Variants in USP14 observed in about 807,000 individuals in gnomAD.
USP14 encodes the protein ubiquitin specific peptidase 14, also known as ubiquitin carboxyl-terminal hydrolase 14.
USP14 carries 38 observed loss-of-function variants against 76.5 expected under a neutral mutation model. The ratio of observed to expected loss-of-function variants is 0.50; its 90% CI spans 0.38 to 0.65. The LOEUF (loss-of-function observed/expected upper bound fraction) is 0.65, where lower values mean the gene tolerates loss of function less well. USP14 is among the 30% of genes least tolerant of loss of function. The pLI, the probability that USP14 is intolerant of heterozygous loss-of-function variation, is 0.00. For missense variants in USP14, 467 were observed against 586.5 expected, an observed-to-expected ratio of 0.80 and a Z score of 2.10; for synonymous variants, 192 against 191.7, an observed-to-expected ratio of 1.00 and a Z score of -0.01.
intron 10 of USP14, among the ~76,000 whole-genome samples, chr18:201,536 G>A (rs746426411): frequency 2.6e-5 from 4 of 152,200 alleles, no homozygotes; most frequent in Non-Finnish European, 5.9e-5. Flanking sequence ...ACCGAGGGGA[G>A]AGTTTTGAGC....
At chr18:184,411 A>T (rs550720210) in intron 5 of USP14, among the ~76,000 whole-genome samples, 13 of 152,330 alleles carry the variant, frequency 8.5e-5, no homozygotes, top group African/African-American at 2.9e-4. Context: ...GAGGAAGACC[A>T]TCCTCACAAA....
chr18:197,522 C>T (rs1315521714), intron 7 of USP14, 94 bp from the exon 8 acceptor site: 8 of 945,284 alleles, frequency 8.5e-6, no homozygotes, highest in African/African-American at 1.7e-5. Flanking sequence ...AGAAGGAAAC[C>T]ACTTTCTTGC....
chr18:172,996 G>A (rs928987385), intron 3 of USP14, among the ~76,000 whole-genome samples: 1 of 151,552 alleles, frequency 6.6e-6, no homozygotes. Flanking sequence ...TTAGTGATTT[G>A]TACTATGTTG....
chr18:204,902 T>G (rs1311267235), intron 13 of USP14, among the ~76,000 whole-genome samples: 1 of 151,472 alleles, frequency 6.6e-6, no homozygotes, highest in African/African-American at 2.4e-5. Context: ...TGTTTTATTT[T>G]CCTTTTTTTT....
intron 13 of USP14, among the ~76,000 whole-genome samples, chr18:205,020 G>A (rs1158770988): frequency 6.6e-6 from 1 of 151,648 alleles, no homozygotes; most frequent in East Asian, 1.9e-4. Context: ...GACCACAGGC[G>A]TGCGCCACCA....
At chr18:198,727 GAATT>G (rs1313817852) in intron 9 of USP14, among the ~76,000 whole-genome samples, 1 of 151,722 alleles carries the variant, frequency 6.6e-6, no homozygotes, top group African/African-American at 2.4e-5. Flanking sequence ...ACCTTATAAA[GAATT>G]AATTTCTTAT....
intron 3 of USP14, among the ~76,000 whole-genome samples, 158 bp downstream of exon 3, chr18:166,977 C>T (rs924609905): frequency 2.6e-5 from 4 of 151,722 alleles, no homozygotes; most frequent in South Asian, 2.1e-4. Context: ...TGGGCTCTTT[C>T]TTGAAAAGTA....
intron 13 of USP14, among the ~76,000 whole-genome samples, 173 bp from the exon 14 acceptor site, chr18:209,798 G>T (rs1373340511): frequency 6.6e-6 from 1 of 152,160 alleles, no homozygotes; most frequent in Admixed American, 6.5e-5. Context: ...GTGTAGGACT[G>T]CTGGGTTTAC....
intron 13 of USP14, among the ~76,000 whole-genome samples, chr18:207,573 G>A (rs115627554): frequency 0.033 from 4,821 of 144,212 alleles, 595 homozygotes; most frequent in African/African-American, 0.11. Flanking sequence ...CAGCTGTTCA[G>A]AAGGCTAAGG....
At chr18:191,120 CTATATTAG>C (rs2143046974) in intron 5 of USP14, among the ~76,000 whole-genome samples, 1 of 152,120 alleles carries the variant, frequency 6.6e-6, no homozygotes, top group Admixed American at 6.6e-5. Context: ...GGTATGTCTG[CTATATTAG>C]TACTTAATTT....
chr18:177,978 A>G (rs1013877108), intron 3 of USP14, among the ~76,000 whole-genome samples: 3 of 152,024 alleles, frequency 2.0e-5, no homozygotes, highest in African/African-American at 7.2e-5. Context: ...GTTACACAAT[A>G]GACATTCACA....
At chr18:189,105 G>GTT (rs1009675144) in intron 5 of USP14, among the ~76,000 whole-genome samples, 1 of 147,660 alleles carries the variant, frequency 6.8e-6, no homozygotes, top group African/African-American at 2.5e-5. Flanking sequence ...GACCTGTATG[G>GTT]TTTTTTTTTT....
chr18:167,659 C>A (rs1011942825), intron 3 of USP14, among the ~76,000 whole-genome samples: 3 of 151,918 alleles, frequency 2.0e-5, no homozygotes, highest in Non-Finnish European at 2.9e-5. Context: ...GCGGGTGTTA[C>A]CATGCCCAGT....
At chr18:184,167 G>A (rs1015757329) in intron 5 of USP14, among the ~76,000 whole-genome samples, 4 of 151,630 alleles carry the variant, frequency 2.6e-5, no homozygotes, top group African/African-American at 9.7e-5. Context: ...TACTTTTTTC[G>A]CTTTTTGGTT....
chr18:173,166 T>G (rs1302662913), intron 3 of USP14, among the ~76,000 whole-genome samples: 5 of 151,762 alleles, frequency 3.3e-5, no homozygotes, highest in Non-Finnish European at 4.4e-5. Context: ...TGGAGTGCAG[T>G]GGCACGATCT....
chr18:206,816 G>A (rs536260304), intron 13 of USP14, among the ~76,000 whole-genome samples: 1 of 152,150 alleles, frequency 6.6e-6, no homozygotes, highest in Non-Finnish European at 1.5e-5. Context: ...CAGGAGAATC[G>A]CTTGAACTGG....
chr18:168,066 C>T (rs2068916563), intron 3 of USP14, among the ~76,000 whole-genome samples: 1 of 150,584 alleles, frequency 6.6e-6, no homozygotes, highest in South Asian at 2.1e-4. Flanking sequence ...GCTGGGATTA[C>T]AGGCGCCCAC....
chr18:160,088 G>A (rs1909074221), intron 1 of USP14, among the ~76,000 whole-genome samples: 1 of 152,154 alleles, frequency 6.6e-6, no homozygotes, highest in Non-Finnish European at 1.5e-5. Context: ...CGGATCACTT[G>A]AGGTCAGGAG....
At chr18:161,309 C>G (rs1264020664) in intron 1 of USP14, among the ~76,000 whole-genome samples, 1 of 152,178 alleles carries the variant, frequency 6.6e-6, no homozygotes, top group African/African-American at 2.4e-5. Flanking sequence ...GCTGCTTTCC[C>G]TTCACTCTGG....
Sources: allele counts gnomAD v4.1 joint callset (sites outside exome capture counted in the v4.1 genomes callset), GRCh38; gene constraint gnomAD v4.1.1; transcripts MANE v1.5; gene names NCBI Gene and HGNC (gene_info 2026-07-23, HGNC 2026-07-21).